Variants in GPC6 observed in about 807,000 individuals in gnomAD.
GPC6 encodes the protein glypican 6, also known as glypican-6.
A neutral mutation model predicts 55.2 loss-of-function variants in GPC6; 14 were observed. That is an observed-to-expected ratio of 0.25 (90% CI 0.17 to 0.40). The LOEUF (loss-of-function observed/expected upper bound fraction) is 0.40. Ranked by LOEUF, GPC6 falls within the 10% of genes least tolerant of loss-of-function variation. The pLI, the probability that GPC6 is intolerant of heterozygous loss-of-function variation, is 1.00. For missense variants in GPC6, 641 were observed against 708.5 expected, an observed-to-expected ratio of 0.90 and a Z score of 1.08; for synonymous variants, 278 against 259.6, an observed-to-expected ratio of 1.07 and a Z score of -0.68.
At chr13:93,501,747 C>G (rs2139372497) in intron 1 of GPC6, among the ~76,000 whole-genome samples, 1 of 152,208 alleles carries the variant, frequency 6.6e-6, no homozygotes, top group South Asian at 2.1e-4. Flanking sequence ...ACAAACAAAC[C>G]TGTGGTTTCA....
intron 4 of GPC6, among the ~76,000 whole-genome samples, chr13:94,184,211 A>C (rs1449510214): frequency 6.6e-6 from 1 of 152,114 alleles, no homozygotes; most frequent in African/African-American, 2.4e-5. Context: ...CTCAACATCA[A>C]CCTTAGCTAA....
intron 1 of GPC6, among the ~76,000 whole-genome samples, chr13:93,359,019 A>G (rs1880954018): frequency 1.4e-5 from 2 of 140,654 alleles, no homozygotes; most frequent in African/African-American, 5.4e-5. Flanking sequence ...CCCAGGCTGG[A>G]GTGCAGTGGT....
chr13:93,916,843 T>A (rs1877319759), intron 3 of GPC6, among the ~76,000 whole-genome samples: 1 of 152,122 alleles, frequency 6.6e-6, no homozygotes, highest in South Asian at 2.1e-4. Context: ...TATTATTATT[T>A]TGTTGCAAAA....
intron 4 of GPC6, among the ~76,000 whole-genome samples, chr13:94,205,258 A>G (rs1272255089): frequency 2.0e-5 from 3 of 152,158 alleles, no homozygotes; most frequent in African/African-American, 7.2e-5. Context: ...CAGAAAAATC[A>G]AGGGACTTAA....
intron 3 of GPC6, among the ~76,000 whole-genome samples, chr13:93,992,362 A>G (rs1436154181): frequency 1.3e-5 from 2 of 152,180 alleles, no homozygotes; most frequent in African/African-American, 2.4e-5. Flanking sequence ...TCAGTGAAAT[A>G]GAAGGGTAGA....
chr13:94,207,061 C>T (rs1889926688), intron 4 of GPC6, among the ~76,000 whole-genome samples: 2 of 152,032 alleles, frequency 1.3e-5, no homozygotes, highest in African/African-American at 4.8e-5. Context: ...CTCAAATTAC[C>T]CAACCTTAAG....
intron 1 of GPC6, among the ~76,000 whole-genome samples, chr13:93,476,377 T>C (rs972029524): frequency 2.0e-5 from 3 of 152,236 alleles, no homozygotes; most frequent in Admixed American, 1.3e-4. Context: ...CCCTCTTGAC[T>C]TCTCTCCAGT....
At chr13:94,120,874 G>A (rs1217637590) in intron 4 of GPC6, among the ~76,000 whole-genome samples, 7 of 152,040 alleles carry the variant, frequency 4.6e-5, no homozygotes, top group Non-Finnish European at 1.5e-5. Context: ...GATTTAAGGA[G>A]TGCTACCTCC....
At chr13:93,222,675 A>T (rs1875654104), upstream of GPC6, among the ~76,000 whole-genome samples, 1 of 152,164 alleles carries the variant, frequency 6.6e-6, no homozygotes, top group Admixed American at 6.5e-5. Context: ...TTCTCTTCTT[A>T]CCTTTGCAAC....
intron 2 of GPC6, among the ~76,000 whole-genome samples, chr13:93,701,586 C>G (rs1882673159): frequency 6.6e-6 from 1 of 151,944 alleles, no homozygotes; most frequent in Admixed American, 6.6e-5. Flanking sequence ...TTTCACAAAT[C>G]TTTCACAAAA....
At chr13:93,349,423 C>T (rs548007218) in intron 1 of GPC6, among the ~76,000 whole-genome samples, 3 of 152,182 alleles carry the variant, frequency 2.0e-5, no homozygotes, top group Non-Finnish European at 4.4e-5. Context: ...TTAGTTCTTC[C>T]TCTGCAGGCT....
At chr13:93,577,088 A>T (rs1822870) in intron 2 of GPC6, among the ~76,000 whole-genome samples, 4 of 152,052 alleles carry the variant, frequency 2.6e-5, no homozygotes, top group African/African-American at 9.7e-5. Flanking sequence ...GAGTCCATTG[A>T]GTATGAGTGT....
At chr13:94,228,198 T>G (rs543459352) in intron 4 of GPC6, among the ~76,000 whole-genome samples, 1 of 152,118 alleles carries the variant, frequency 6.6e-6, no homozygotes, top group African/African-American at 2.4e-5. Context: ...CACACACTTA[T>G]GCAGAGTAAT....
intron 4 of GPC6, among the ~76,000 whole-genome samples, chr13:94,262,597 C>T (rs1303167128): frequency 1.3e-5 from 2 of 150,202 alleles, no homozygotes; most frequent in Admixed American, 6.7e-5. Context: ...CACTTGTACC[C>T]GGGAAGCAAA....
At chr13:94,284,147 C>T (rs116626952) in intron 4 of GPC6, among the ~76,000 whole-genome samples, 1,950 of 152,256 alleles carry the variant, frequency 0.013, 41 homozygotes, top group African/African-American at 0.043. Context: ...AATAGATGCA[C>T]GTGGCTGCTC....
At chr13:94,067,761 A>T (rs1217932084) in intron 4 of GPC6, among the ~76,000 whole-genome samples, 1 of 152,214 alleles carries the variant, frequency 6.6e-6, no homozygotes, top group Non-Finnish European at 1.5e-5. Context: ...GTATGTTTAT[A>T]TGTTTGCAAC....
chr13:94,269,780 C>T (rs942545056), intron 4 of GPC6, among the ~76,000 whole-genome samples: 1 of 152,132 alleles, frequency 6.6e-6, no homozygotes, highest in African/African-American at 2.4e-5. Context: ...CTGATTGACC[C>T]CAGGTGCTTT....
chr13:94,184,630 C>T (rs1889109243), intron 4 of GPC6, among the ~76,000 whole-genome samples: 1 of 151,736 alleles, frequency 6.6e-6, no homozygotes, highest in Admixed American at 6.6e-5. Flanking sequence ...TATTAAAAAG[C>T]CAAAAAACAA....
chr13:94,273,605 C>T (rs1892111682), intron 4 of GPC6, among the ~76,000 whole-genome samples: 1 of 152,178 alleles, frequency 6.6e-6, no homozygotes, highest in Non-Finnish European at 1.5e-5. Context: ...AAATAAGATA[C>T]AGGGTAAGCA....
Sources: allele counts gnomAD v4.1 joint callset (sites outside exome capture counted in the v4.1 genomes callset), GRCh38; gene constraint gnomAD v4.1.1; transcripts MANE v1.5; gene names NCBI Gene and HGNC (gene_info 2026-07-23, HGNC 2026-07-21).